SIRPG: variants seen among roughly 807,000 people sequenced by gnomAD.
SIRPG encodes the protein signal-regulatory protein gamma.
SIRPG carries 38 observed loss-of-function variants against 35.7 expected under a neutral mutation model. That is an observed-to-expected ratio of 1.06 (90% CI 0.82 to 1.40). SIRPG has a LOEUF of 1.40. Among genes scored for constraint, SIRPG ranks in the 40% most tolerant of loss-of-function variants. The pLI is 0.00. For synonymous variants in SIRPG, 215 were observed against 190.4 expected (o/e 1.13, Z -1.06); for missense variants, 519 against 483.0 (o/e 1.07, Z -0.70).
At chr20:1,671,873 G>A in the SIRPG span, among the ~76,000 whole-genome samples, 2 of 152,238 alleles carry the variant, frequency 1.3e-5, no homozygotes, top group African/African-American at 4.8e-5. Flanking sequence ...CACCCTGGGT[G>A]GGCCAGGTGT....
Position 1,636,284 on chromosome 20 carries a change from A to G in SIRPG, c.652T>C (p.Trp218Arg). Reference sequence around the variant, plus strand: ...CAGATGACCTGAGAGCGAACGTCCCAGGGGTCCAGTACCACCCTGGCTGTG... The same window carrying G: ...CAGATGACCTGAGAGCGAACGTCCCGGGGGTCCAGTACCACCCTGGCTGTG... ...RSTARVVLDPWDVRSQVICEV... is the reference protein window; with the variant it reads ...RSTARVVLDPRDVRSQVICEV... The change falls in exon 3 of 6, where the codon TGG becomes CGG. Residue 218 changes from tryptophan (W) to arginine (R), a missense_variant. Transcript: ENST00000303415. 1 of 1,614,226 alleles carries G rather than the reference A, an allele frequency of 6.2e-7. No individual in the cohort carries two copies.
upstream of SIRPG, among the ~76,000 whole-genome samples, chr20:1,660,228 T>A (rs575750145): frequency 2.6e-4 from 39 of 152,218 alleles, no homozygotes; most frequent in African/African-American, 5.1e-4. Flanking sequence ...TGAAATTTTT[T>A]AAAAAAACTT....
chr20:1,678,559 A>C, the SIRPG span, among the ~76,000 whole-genome samples: 1 of 152,168 alleles, frequency 6.6e-6, no homozygotes, highest in African/African-American at 2.4e-5. Flanking sequence ...ATGAAAGATA[A>C]TAGAATCTAA....
chr20:1,674,008 C>T, the SIRPG span, among the ~76,000 whole-genome samples: 34 of 152,280 alleles, frequency 2.2e-4, no homozygotes, highest in Admixed American at 3.9e-4. Flanking sequence ...GCCACTGGGG[C>T]CTTCTGAGAT....
chr20:1,648,935 C>T, intron 2 of SIRPG, 117 bp downstream of exon 2: 2 of 953,862 alleles, frequency 2.1e-6, no homozygotes, highest in Non-Finnish European at 1.6e-6. Flanking sequence ...GGGGTGACAA[C>T]AGGTCTTGAA....
chr20:1,662,177 A>G (rs2091997886), upstream of SIRPG, among the ~76,000 whole-genome samples: 1 of 152,194 alleles, frequency 6.6e-6, no homozygotes, highest in Admixed American at 6.5e-5. Flanking sequence ...TGGGCAGGGT[A>G]ATATAGAGAA....
chr20:1,662,987 T>G, the SIRPG span, among the ~76,000 whole-genome samples: 1 of 151,020 alleles, frequency 6.6e-6, no homozygotes, highest in Non-Finnish European at 1.5e-5. Flanking sequence ...TGGGGAAGAC[T>G]CAGAGGAATG....
At chr20:1,682,091 C>A in the SIRPG span, among the ~76,000 whole-genome samples, 1 of 152,086 alleles carries the variant, frequency 6.6e-6, no homozygotes, top group East Asian at 1.9e-4. Context: ...CATGGAAGTT[C>A]TATTTTGAGG....
chr20:1,635,301 G>A lies in SIRPG; in HGVS notation c.1047C>T (p.Val349=). ...VSKRLALEVT[V]HQKDQSSDAT... ...CATCTGAGCTCTGGTCCTTCTGGTG[G>A]ACTGTGACCTCTAGGGCAAGGCGTT... Residue 349 remains valine (V), a synonymous_variant, in exon 4 of 6, where the codon GTC becomes GTT. Transcript: ENST00000303415. The A allele has an allele frequency of 6.2e-7, 1 of 1,613,814 alleles. No homozygotes were observed.
At chr20:1,654,236 T>TAAAAAA (rs78737562) in intron 1 of SIRPG, among the ~76,000 whole-genome samples, 1 of 115,478 alleles carries the variant, frequency 8.7e-6, no homozygotes, top group East Asian at 2.5e-4. Context: ...AGACTGCATC[T>TAAAAAA]AAAAAAAAAA....
chr20:1,629,774 G>A, intron 5 of SIRPG, 138 bp from the exon 6 acceptor site: 1 of 172,074 alleles, frequency 5.8e-6, no homozygotes, highest in Non-Finnish European at 1.2e-5. Flanking sequence ...AACTCTGCCT[G>A]CTCAGCCATC....
upstream of SIRPG, among the ~76,000 whole-genome samples, chr20:1,661,332 A>G (rs1454375271): frequency 6.6e-6 from 1 of 152,210 alleles, no homozygotes; most frequent in South Asian, 2.1e-4. Flanking sequence ...GGGGGAATCA[A>G]TATGACCCCA....
At chr20:1,675,227 G>C in the SIRPG span, among the ~76,000 whole-genome samples, 1 of 152,224 alleles carries the variant, frequency 6.6e-6, no homozygotes, top group African/African-American at 2.4e-5. Flanking sequence ...CCAAGAAGGG[G>C]TGGGCACGTG....
At chr20:1,639,309 C>G in intron 2 of SIRPG, among the ~76,000 whole-genome samples, 1 of 152,034 alleles carries the variant, frequency 6.6e-6, no homozygotes, top group East Asian at 1.9e-4. Context: ...TAATAATCAC[C>G]ATTCTGACTG....
chr20:1,644,015 G>A (rs757125702), intron 2 of SIRPG, among the ~76,000 whole-genome samples: 2 of 152,192 alleles, frequency 1.3e-5, no homozygotes, highest in African/African-American at 2.4e-5. Context: ...TAGGGTGTCC[G>A]ACAACCCCTA....
Position 1,635,470 on chromosome 20 carries a change from T to C in SIRPG, c.878A>G (p.Gln293Arg). Residue 293 changes from glutamine to arginine, a missense_variant, in exon 4 of 6, where the codon CAG becomes CGG. Gln to Arg is a conservative substitution (Grantham distance 43). Coordinates refer to ENST00000303415, the MANE Select transcript of SIRPG (RefSeq NM_018556.4). ...TGTAAGGGTCGAGGCTGTTTCTCTCTGGCACACGTTTCCATTCTCCGACCA... is the reference window on the plus strand; with the variant it reads ...TGTAAGGGTCGAGGCTGTTTCTCTCCGGCACACGTTTCCATTCTCCGACCA... ...LTWSENGNVC[Q>R]RETASTLTEN... 1.2e-6 allele frequency: 2 copies of C among 1,614,170 alleles called. No homozygotes were observed. Among genetic ancestry groups the C allele is most frequent in the East Asian group, 2.2e-5 (1 of 44,886 alleles).
rs2091802484 is a variant in SIRPG at position 1,636,396 on chromosome 20, C to T, written c.540G>A (p.Leu180=). 6.2e-7 allele frequency: 1 copy of T among 1,614,088 alleles called. No individual in the cohort carries two copies. Among genetic ancestry groups the T allele is most frequent in the African/African-American group, 1.3e-5 (1 of 74,932 alleles). ...SHGFSPRDIT[L]KWFKNGNELS... ...GCTCATTCCCATTTTTGAACCATTT[C>T]AGGGTGATGTCTCTGGGAGAGAAGC... Residue 180 remains leucine, a synonymous_variant, in exon 3 of 6, where the codon CTG becomes CTA. Transcript: ENST00000303415.
chr20:1,679,044 T>C, the SIRPG span, among the ~76,000 whole-genome samples: 146 of 152,306 alleles, frequency 9.6e-4, no homozygotes, highest in African/African-American at 3.4e-3. Context: ...TCCTCAGCCA[T>C]GGATCCTTGC....
intron 1 of SIRPG, among the ~76,000 whole-genome samples, chr20:1,649,629 CTTTTT>C (rs35561366): frequency 0.019 from 1,472 of 75,818 alleles, 6 homozygotes; most frequent in Middle Eastern, 0.086. Flanking sequence ...CAGAGAGGTT[CTTTTT>C]TTTTTTTTTT....
Sources: gnomAD v4.1 joint callset for allele counts (sites outside exome capture counted in the v4.1 genomes callset) on GRCh38, gnomAD v4.1.1 for gene constraint, MANE v1.5 for transcripts, NCBI Gene and HGNC (gene_info 2026-07-23, HGNC 2026-07-21) for gene names.